Variants in ANKHD1 observed in about 807,000 individuals in gnomAD.
ANKHD1 encodes ankyrin repeat and KH domain-containing protein 1.
ANKHD1 carries 31 observed loss-of-function variants against 230.5 expected under a neutral mutation model. The observed-to-expected ratio is 0.13, with a 90% CI of 0.10 to 0.18. ANKHD1 has a LOEUF of 0.18. Among genes scored for constraint, ANKHD1 ranks in the 10% least tolerant of loss-of-function variants. The probability of loss-of-function intolerance (pLI) is 1.00; values close to 1 mark genes in which losing one functional copy is unlikely to be tolerated. For missense variants in ANKHD1, 2,256 were observed against 3,071.3 expected, an observed-to-expected ratio of 0.73 and a Z score of 6.27; for synonymous variants, 1,074 against 1,117.6, an observed-to-expected ratio of 0.96 and a Z score of 0.78.
intron 14 of ANKHD1, 91 bp downstream of exon 14, chr5:140,487,151 G>A: frequency 7.7e-7 from 1 of 1,304,374 alleles, no homozygotes; most frequent in Non-Finnish European, 1.0e-6. Context: ...GAGTTACTGT[G>A]TACCCATGGC....
chr5:140,453,396 C>G (rs1175103396), intron 7 of ANKHD1, among the ~76,000 whole-genome samples: 1 of 152,062 alleles, frequency 6.6e-6, no homozygotes, highest in Non-Finnish European at 1.5e-5. Flanking sequence ...AGAGCAGCTC[C>G]AGGACACATA....
Position 140,497,001 on chromosome 5 carries a change from T to G in ANKHD1, c.2727T>G (p.Val909=). Residue 909 remains valine, a synonymous_variant, in exon 15 of 34, where the codon GTT becomes GTG. Coordinates refer to ENST00000360839, the MANE Select transcript of ANKHD1 (RefSeq NM_017747.3). ...CAATCTTATTTAAAGATAATGATGTTGATGATGAGCAACAGTCTCCACCAT... is the reference window on the plus strand; with the variant it reads ...CAATCTTATTTAAAGATAATGATGTGGATGATGAGCAACAGTCTCCACCAT... ...VDTILFKDND[V]DDEQQSPPSA... 1 of 1,614,178 alleles carries G rather than the reference T, an allele frequency of 6.2e-7. No individual in the cohort carries two copies.
chr5:140,526,586 GA>G (rs2127085804), intron 26 of ANKHD1, 143 bp downstream of exon 26: 9 of 1,156,596 alleles, frequency 7.8e-6, no homozygotes, highest in Non-Finnish European at 1.1e-5. Context: ...ATTCAAAACT[GA>G]AATTCACCCA....
Position 140,424,960 on chromosome 5 carries a change from A to G in ANKHD1, c.307-11144A>G, listed in dbSNP as rs146766872. ...AGTAGTTAAGATGGTTGAATAAAAT[A>G]GTATATGGAAAAGGCTGATACATAT... On this transcript the variant is annotated intron_variant, in intron 1 of 33. Coordinates refer to ENST00000360839, the MANE Select transcript of ANKHD1 (RefSeq NM_017747.3). Among the ~76,000 whole-genome samples, 751 of 152,362 alleles carry G rather than the reference A, an allele frequency of 4.9e-3. 5 individuals are homozygous for G. The highest frequency in any genetic ancestry group is 6.3e-3 in the Non-Finnish European group (428 of 68,040).
chr5:140,512,904 T>C lies in ANKHD1; in HGVS notation c.4181T>C (p.Ile1394Thr). 5.0e-6 allele frequency: 8 copies of C among 1,596,086 alleles called. No homozygotes were observed. The highest frequency in any genetic ancestry group is 6.8e-6 in the Non-Finnish European group (8 of 1,174,650). ...FPSDIECMRYIATITDKELLK... is the reference protein window; with the variant it reads ...FPSDIECMRYTATITDKELLK... ...TCTGATATAGAATGCATGAGATACA[T>C]AGCAACAATTACAGATAAGGTAAGT... is the stretch of plus-strand genomic sequence containing the variant. The change falls in exon 23 of 34, where the codon ATA becomes ACA. Residue 1394 changes from isoleucine (I) to threonine (T), a missense_variant. Ile to Thr is a moderately conservative substitution (Grantham distance 89). Transcript: ENST00000360839.
chr5:140,530,446 C>T (rs2127090967), intron 29 of ANKHD1, among the ~76,000 whole-genome samples: 1 of 152,294 alleles, frequency 6.6e-6, no homozygotes, highest in South Asian at 2.1e-4. Flanking sequence ...CTCCTGTGCT[C>T]AGGCAATATC....
intron 24 of ANKHD1, among the ~76,000 whole-genome samples, chr5:140,516,513 G>GA (rs1398653715): frequency 1.3e-5 from 2 of 150,678 alleles, no homozygotes; most frequent in Non-Finnish European, 2.9e-5. Context: ...AAAGTCGAAG[G>GA]AAAAAATGTT....
In ANKHD1 at chr5:140,402,052, T is replaced by A; in HGVS notation, c.85T>A (p.Ser29Thr). 6.7e-7 allele frequency: 1 copy of A among 1,491,954 alleles called. No homozygotes were observed. Among genetic ancestry groups the A allele is most frequent in the Admixed American group, 2.4e-5 (1 of 41,250 alleles). The allele number at this position is 1,491,954 out of a possible 1,614,324, so 92.4% of individuals were successfully genotyped here. The change falls in exon 1 of 34, where the codon TCG becomes ACG. Residue 29 changes from serine to threonine, a missense_variant. Ser to Thr is a moderately conservative substitution (Grantham distance 58). Transcript: ENST00000360839. ...TCCGCGATCCGCCCCAGCTGGGGCC[T>A]CGGAGCCGCCTCCGCCGGGAGGGGT... is the stretch of plus-strand genomic sequence containing the variant. ...VAPRSAPAGA[S>T]EPPPPGGVGL...
In ANKHD1 at chr5:140,458,620, T is replaced by C. The variant is rs768660815; in HGVS notation, c.1243-5T>C. 2.5e-6 allele frequency: 4 copies of C among 1,577,656 alleles called. No homozygotes were observed. ...CCTTCTTTCTTTACTTCTGAAAATCTGCAGGATGGACATGTAGAGGTGGCA... is the reference window on the plus strand; with the variant it reads ...CCTTCTTTCTTTACTTCTGAAAATCCGCAGGATGGACATGTAGAGGTGGCA... On this transcript the variant is annotated splice_region_variant and splice_polypyrimidine_tract_variant and intron_variant, in intron 7 of 33. Transcript: ENST00000360839.
chr5:140,448,053 CAGG>C (rs1230116505), intron 6 of ANKHD1, among the ~76,000 whole-genome samples: 5 of 152,094 alleles, frequency 3.3e-5, no homozygotes, highest in Non-Finnish European at 7.4e-5. Context: ...GAGGCTGAGG[CAGG>C]AGGATCTCTT....
intron 1 of ANKHD1, among the ~76,000 whole-genome samples, chr5:140,408,891 G>A (rs1163513579): frequency 6.6e-6 from 1 of 152,044 alleles, no homozygotes; most frequent in Non-Finnish European, 1.5e-5. Flanking sequence ...ACAATACTTG[G>A]CTAGTATGAT....
intron 1 of ANKHD1, among the ~76,000 whole-genome samples, chr5:140,403,206 T>C (rs1278151036): frequency 6.6e-6 from 1 of 151,662 alleles, no homozygotes; most frequent in African/African-American, 2.4e-5. Context: ...TGACCTCAGG[T>C]GATCCGCCCG....
intron 24 of ANKHD1, among the ~76,000 whole-genome samples, chr5:140,520,306 T>C (rs1210319003): frequency 6.6e-6 from 1 of 151,248 alleles, no homozygotes. Context: ...TGTGGAGAAA[T>C]AGGAACACTT....
At chr5:140,488,984 G>T (rs1213881761) in intron 14 of ANKHD1, among the ~76,000 whole-genome samples, 1 of 151,862 alleles carries the variant, frequency 6.6e-6, no homozygotes, top group African/African-American at 2.4e-5. Flanking sequence ...GAGCCCAGGA[G>T]TTCGAGACCA....
Position 140,529,163 on chromosome 5 carries a change from ACTTC to A in ANKHD1, c.6219_6222del (p.Ser2074ValfsTer15). On this transcript the variant is annotated frameshift_variant, in exon 29 of 34. Transcript: ENST00000360839. LOFTEE classifies it high-confidence loss of function. ...TCACCCATCCAGTAGTCCCACTCCT[ACTTC>A]CAGTAACACACAAGAGGAGGCACAG... 6.2e-7 allele frequency: 1 copy of A among 1,614,186 alleles called. No individual in the cohort carries two copies. The highest frequency in any genetic ancestry group is 2.2e-5 in the East Asian group (1 of 44,884).
At chr5:140,525,498 G>C (rs1283673324) in intron 25 of ANKHD1, among the ~76,000 whole-genome samples, 1 of 152,152 alleles carries the variant, frequency 6.6e-6, no homozygotes, top group East Asian at 1.9e-4. Flanking sequence ...TTGAGCTCAA[G>C]TAATCAATCC....
intron 30 of ANKHD1, chr5:140,537,153 CTTA>C (rs1482468307): frequency 3.4e-6 from 2 of 593,352 alleles, no homozygotes; most frequent in East Asian, 4.7e-5. Context: ...CTGTTGTATA[CTTA>C]TTATAGGCAG....
In ANKHD1 at chr5:140,496,970, T is replaced by C; in HGVS notation, c.2696T>C (p.Val899Ala). 1 of 1,614,156 alleles carries C rather than the reference T, an allele frequency of 6.2e-7. No individual in the cohort carries two copies. Among genetic ancestry groups the C allele is most frequent in the South Asian group, 1.1e-5 (1 of 91,078 alleles). The stretch of plus-strand genomic sequence containing the variant: ...GATCACTTTTCAGAGTTACCTCAGG[T>C]TGACACAATCTTATTTAAAGATAAT... ...PEDHFSELPQ[V>A]DTILFKDNDV... Residue 899 changes from valine to alanine, a missense_variant, in exon 15 of 34, where the codon GTT becomes GCT. This residue lies in a region of ANKHD1 where 358 missense variants were observed against 397.7 expected (regional missense o/e 0.90). Transcript: ENST00000360839.
At chr5:140,532,370 G>A (rs1753869527) in intron 29 of ANKHD1, among the ~76,000 whole-genome samples, 1 of 152,144 alleles carries the variant, frequency 6.6e-6, no homozygotes, top group Non-Finnish European at 1.5e-5. Flanking sequence ...ACAGAAAGTA[G>A]ATTAGTGGTT....
Sources: gnomAD v4.1 joint callset for allele counts (sites outside exome capture counted in the v4.1 genomes callset) on GRCh38, gnomAD v4.1.1 for gene constraint, gnomAD v4.1.1 regional missense constraint, MANE v1.5 for transcripts, NCBI Gene and HGNC (gene_info 2026-07-23, HGNC 2026-07-21) for gene names.